Variants in SERPINA12 observed in about 807,000 individuals in gnomAD.
SERPINA12 encodes serpin A12.
SERPINA12 carries 21 observed loss-of-function variants against 25.9 expected under a neutral mutation model. The ratio of observed to expected loss-of-function variants is 0.81; its 90% CI spans 0.58 to 1.17. The LOEUF is 1.17. SERPINA12 is among the 50% of genes most tolerant of loss of function. The pLI, the probability that SERPINA12 is intolerant of heterozygous loss-of-function variation, is 0.00. For synonymous variants in SERPINA12, 220 were observed against 196.0 expected, an observed-to-expected ratio of 1.12 and a Z score of -1.02; for missense variants, 562 against 508.3, an observed-to-expected ratio of 1.11 and a Z score of -1.02.
chr14:94,514,092 A>T (rs751535927), upstream of SERPINA12, among the ~76,000 whole-genome samples: 15 of 152,212 alleles, frequency 9.9e-5, no homozygotes, highest in Non-Finnish European at 1.6e-4. Flanking sequence ...CACTGTCGAG[A>T]GGCTGAGATA....
At chr14:94,496,681 A>G in intron 2 of SERPINA12, 38 bp from the exon 3 acceptor site, 1 of 1,589,636 alleles carries the variant, frequency 6.3e-7, no homozygotes, top group Non-Finnish European at 8.6e-7. Flanking sequence ...TGTTATCCCA[A>G]GGGAAAAAAG....
intron 3 of SERPINA12, among the ~76,000 whole-genome samples, chr14:94,494,211 C>T (rs1355497747): frequency 1.3e-5 from 2 of 152,234 alleles, no homozygotes; most frequent in Non-Finnish European, 2.9e-5. Context: ...TCATGTTCTA[C>T]ACCCCCCAGT....
Position 94,489,798 on chromosome 14 carries a change from T to A in SERPINA12, c.906-31A>T, listed in dbSNP as rs769714903. 1.4e-5 allele frequency: 23 copies of A among 1,609,020 alleles called. No homozygotes were observed. In the East Asian group the frequency reaches 5.1e-4, roughly 36 times the overall value. ...GAATTGACACGACAAGGGTGAGTGG[T>A]CAAGTCCTGTTGTGTTGCAGGGCAA... On this transcript the variant is annotated intron_variant, in intron 3 of 4. Transcript: ENST00000677451.
intron 4 of SERPINA12, 24 bp from the exon 5 acceptor site, chr14:94,487,518 A>G: frequency 6.3e-7 from 1 of 1,581,738 alleles, no homozygotes; most frequent in Non-Finnish European, 8.6e-7. Context: ...GGGCAAAGTC[A>G]AGGTCTGCCA....
At chr14:94,504,202 G>A (rs1361532945) in intron 1 of SERPINA12, 32 of 152,218 alleles carry the variant, frequency 2.1e-4, no homozygotes, top group Admixed American at 2.1e-3. Flanking sequence ...TACTTCCATG[G>A]CCTCTTGGAA....
In SERPINA12 at chr14:94,489,869, A is replaced by G; in HGVS notation, c.906-102T>C. 3 of 1,190,908 alleles carry G rather than the reference A, an allele frequency of 2.5e-6. No individual in the cohort carries two copies. In the South Asian group the frequency reaches 4.3e-5, roughly 17 times the overall value. 73.8% of individuals were successfully genotyped at this position (1,190,908 alleles called of 1,614,324 possible). ...TGAAACATGTGTCCTCCCAGCCCCAAAGGTCTCCAATCTCTCTCCATCCAC... is the reference window on the plus strand; with the variant it reads ...TGAAACATGTGTCCTCCCAGCCCCAGAGGTCTCCAATCTCTCTCCATCCAC... On this transcript the variant is annotated intron_variant, in intron 3 of 4. Coordinates refer to ENST00000677451, the MANE Select transcript of SERPINA12 (RefSeq NM_001382267.1).
intron 4 of SERPINA12, among the ~76,000 whole-genome samples, chr14:94,489,212 AGAAAG>A: frequency 8.0e-6 from 1 of 125,168 alleles, no homozygotes. Flanking sequence ...AAAGAAAGAG[AGAAAG>A]AGAGAGAGAA....
At position 94,497,951 on chromosome 14, in the gene SERPINA12, C is replaced by A. The variant is rs1411508497; in HGVS notation, c.447G>T (p.Lys149Asn). 6.2e-7 allele frequency: 1 copy of A among 1,614,194 alleles called. No individual in the cohort carries two copies. Among genetic ancestry groups the A allele is most frequent in the Admixed American group, 1.7e-5 (1 of 60,026 alleles). ...AAAAGTTCTTGGCATCTTCCAAAAA[C>A]TTACGCTGTGGCTGCAGCCTCTGGT... The part of the protein sequence containing the change: ...FIDQRLQPQR[K>N]FLEDAKNFYS... The change falls in exon 2 of 5, where the codon AAG becomes AAT. Residue 149 changes from lysine (K) to asparagine (N), a missense_variant. Lys to Asn is a moderately conservative substitution (Grantham distance 94). Transcript: ENST00000677451.
At chr14:94,510,459 T>C (rs920650255), upstream of SERPINA12, among the ~76,000 whole-genome samples, 3 of 151,980 alleles carry the variant, frequency 2.0e-5, no homozygotes, top group African/African-American at 4.8e-5. Context: ...ATAAAAAAAA[T>C]AGATGTTGGC....
At position 94,497,824 on chromosome 14, in the gene SERPINA12, GGTT is replaced by G. The variant is rs764773948; in HGVS notation, c.571_573del (p.Asn191del). 11 of 1,614,140 alleles carry G rather than the reference GGTT, an allele frequency of 6.8e-6. 1 individual carries two copies. In the East Asian group the frequency reaches 2.2e-4, roughly 33 times the overall value. Reference sequence around the variant, plus strand: ...GTGCCGGGGTCTATATTCTCGATCAGGTTGTTAATTTTCCCATGGGTTTTTTGA... The same window carrying G: ...GTGCCGGGGTCTATATTCTCGATCAGGTTAATTTTCCCATGGGTTTTTTGA... On this transcript the variant is annotated inframe_deletion, in exon 2 of 5. Coordinates refer to ENST00000677451, the MANE Select transcript of SERPINA12 (RefSeq NM_001382267.1).
At chr14:94,494,851 G>A (rs74077725) in intron 3 of SERPINA12, among the ~76,000 whole-genome samples, 3,038 of 152,268 alleles carry the variant, frequency 0.02, 122 homozygotes, top group African/African-American at 0.068. Context: ...GAGAAGACCA[G>A]GTCTCAGCTA....
intron 1 of SERPINA12, among the ~76,000 whole-genome samples, chr14:94,500,204 G>C (rs542169222): frequency 1.3e-5 from 2 of 152,194 alleles, no homozygotes; most frequent in Non-Finnish European, 2.9e-5. Flanking sequence ...GGAGTTTGTA[G>C]TATAGTATTG....
upstream of SERPINA12, among the ~76,000 whole-genome samples, chr14:94,511,234 T>G (rs966533277): frequency 2.0e-5 from 3 of 147,578 alleles, no homozygotes; most frequent in East Asian, 5.8e-4. Context: ...GCACACCTCA[T>G]GTACACACAC....
chr14:94,512,797 C>A (rs2139867367), upstream of SERPINA12, among the ~76,000 whole-genome samples: 1 of 152,308 alleles, frequency 6.6e-6, no homozygotes, highest in Non-Finnish European at 1.5e-5. Context: ...CTGTTCACAT[C>A]TAACTACTGA....
chr14:94,511,656 C>G, upstream of SERPINA12: 1 of 985,484 alleles, frequency 1.0e-6, no homozygotes, highest in Non-Finnish European at 1.2e-6. Context: ...ACCCACCTCT[C>G]TCACCTGCCT....
upstream of SERPINA12, among the ~76,000 whole-genome samples, chr14:94,512,203 A>C (rs184681039): frequency 3.3e-5 from 5 of 152,194 alleles, no homozygotes; most frequent in African/African-American, 9.6e-5. Context: ...AAACAAAAAA[A>C]GCCGCAGCTC....
At chr14:94,505,212 A>G (rs1387879188) in intron 1 of SERPINA12, among the ~76,000 whole-genome samples, 2 of 152,198 alleles carry the variant, frequency 1.3e-5, no homozygotes, top group Non-Finnish European at 2.9e-5. Context: ...CATGACTCTC[A>G]TTCCCAGAGC....
upstream of SERPINA12, among the ~76,000 whole-genome samples, chr14:94,510,634 T>C (rs1901085400): frequency 6.6e-6 from 1 of 152,046 alleles, no homozygotes; most frequent in African/African-American, 2.4e-5. Context: ...AAGAAATCAT[T>C]ATATGAAAAA....
chr14:94,500,084 C>G (rs1171251735), intron 1 of SERPINA12, among the ~76,000 whole-genome samples: 1 of 152,204 alleles, frequency 6.6e-6, no homozygotes. Flanking sequence ...TGAATGAACA[C>G]CAGGCAGGGC....
Sources: allele counts gnomAD v4.1 joint callset (sites outside exome capture counted in the v4.1 genomes callset), GRCh38; gene constraint gnomAD v4.1.1; transcripts MANE v1.5; gene names NCBI Gene and HGNC (gene_info 2026-07-23, HGNC 2026-07-21).